The following PRKD1 variants were observed in gnomAD, a reference collection of about 807,000 sequenced individuals.
PRKD1 encodes serine/threonine-protein kinase D1.
PRKD1 carries 63 observed loss-of-function variants against 95.9 expected under a neutral mutation model. The ratio of observed to expected loss-of-function variants is 0.66; its 90% confidence interval spans 0.54 to 0.81. PRKD1 has a LOEUF of 0.81. Ranked by LOEUF, PRKD1 falls within the 30% of genes least tolerant of loss-of-function variation. PRKD1 has a pLI of 0.00. For missense variants in PRKD1, 1,048 were observed against 1,165.3 expected (o/e 0.90, Z 1.47); for synonymous variants, 425 against 423.1 (o/e 1.00, Z -0.05).
At chr14:29,660,775 ACTT>A (rs973905384) in intron 4 of PRKD1, among the ~76,000 whole-genome samples, 19 of 152,104 alleles carry the variant, frequency 1.2e-4, no homozygotes, top group African/African-American at 3.9e-4. Flanking sequence ...TTTAATACTA[ACTT>A]CTTCTACAGT....
At chr14:29,670,297 T>C (rs774536221) in intron 2 of PRKD1, among the ~76,000 whole-genome samples, 6 of 152,164 alleles carry the variant, frequency 3.9e-5, no homozygotes, top group Non-Finnish European at 5.9e-5. Flanking sequence ...GGCCCATGTA[T>C]ATTTATAATA....
At chr14:29,634,325 T>G (rs1868584468) in intron 8 of PRKD1, 93 bp downstream of exon 8, 1 of 1,577,262 alleles carries the variant, frequency 6.3e-7, no homozygotes, top group African/African-American at 1.3e-5. Flanking sequence ...TTACTCTGAG[T>G]AATGCAGAAA....
intron 1 of PRKD1, among the ~76,000 whole-genome samples, chr14:29,794,001 C>G (rs905514409): frequency 6.6e-6 from 1 of 151,874 alleles, no homozygotes; most frequent in Non-Finnish European, 1.5e-5. Flanking sequence ...TTAAATCAAG[C>G]GTATTAGCCG....
chr14:29,719,062 G>GA (rs1271057391), intron 2 of PRKD1, among the ~76,000 whole-genome samples: 1 of 151,704 alleles, frequency 6.6e-6, no homozygotes, highest in East Asian at 1.9e-4. Flanking sequence ...TTCTATAAAA[G>GA]AAAAAAGAAG....
chr14:29,577,559 C>G, intron 17 of PRKD1, 103 bp from the exon 18 acceptor site: 1 of 1,100,870 alleles, frequency 9.1e-7, no homozygotes, highest in East Asian at 2.5e-5. Flanking sequence ...CCTTCTCCTT[C>G]CACTCTAACA....
chr14:29,618,224 G>A (rs1233021655), intron 13 of PRKD1, among the ~76,000 whole-genome samples: 1 of 151,150 alleles, frequency 6.6e-6, no homozygotes, highest in Non-Finnish European at 1.5e-5. Context: ...TGGGATGATG[G>A]AAATTTTATG....
At chr14:29,713,065 G>A (rs1183033684) in intron 2 of PRKD1, among the ~76,000 whole-genome samples, 2 of 152,100 alleles carry the variant, frequency 1.3e-5, no homozygotes, top group African/African-American at 4.8e-5. Context: ...AGGGTATGAA[G>A]TATTCTGCCT....
At chr14:29,851,190 C>A (rs775997648) in intron 1 of PRKD1, among the ~76,000 whole-genome samples, 9 of 152,072 alleles carry the variant, frequency 5.9e-5, no homozygotes, top group Admixed American at 3.3e-4. Flanking sequence ...GCTAAGTCAT[C>A]AAAAGCAATT....
At chr14:29,588,537 C>T (rs535315502) in intron 16 of PRKD1, among the ~76,000 whole-genome samples, 1 of 151,974 alleles carries the variant, frequency 6.6e-6, no homozygotes, top group Non-Finnish European at 1.5e-5. Context: ...CTTGAGATAC[C>T]GTGTATTCTA....
intron 13 of PRKD1, among the ~76,000 whole-genome samples, chr14:29,614,508 TTAAA>T (rs1329420503): frequency 6.6e-6 from 1 of 152,168 alleles, no homozygotes; most frequent in Non-Finnish European, 1.5e-5. Context: ...TTCGATTTCA[TTAAA>T]TAATGTATTT....
At position 29,599,771 on chromosome 14, in the gene PRKD1, G is replaced by A. The variant is rs535820939; in HGVS notation, c.1952C>T (p.Thr651Met). The change falls in exon 14 of 18, where the codon ACG becomes ATG. Residue 651 changes from threonine to methionine, a missense_variant. By Grantham distance (81) the Thr-to-Met change is moderately conservative. This residue lies in a region of PRKD1 where 739 missense variants were observed against 861.9 expected (regional missense o/e 0.86). Transcript: ENST00000331968. ...GVVNLECMFETPERVFVVMEK... is the reference protein window; with the variant it reads ...GVVNLECMFEMPERVFVVMEK... ...CATAACAACAAACACTCTTTCAGGCGTCTCAAACATACACTCCAAATTTAC... is the reference window on the plus strand; with the variant it reads ...CATAACAACAAACACTCTTTCAGGCATCTCAAACATACACTCCAAATTTAC... 23 of 1,612,888 alleles carry A rather than the reference G, an allele frequency of 1.4e-5. No homozygotes were observed. Among genetic ancestry groups the A allele is most frequent in the South Asian group, 5.5e-5 (5 of 91,018 alleles).
chr14:29,788,948 G>A (rs867509735), intron 1 of PRKD1, among the ~76,000 whole-genome samples: 3 of 151,850 alleles, frequency 2.0e-5, no homozygotes, highest in East Asian at 1.9e-4. Context: ...GTGCAGTGGC[G>A]TGATCATGGC....
At chr14:29,844,608 T>C (rs1892006646) in intron 1 of PRKD1, among the ~76,000 whole-genome samples, 1 of 152,338 alleles carries the variant, frequency 6.6e-6, no homozygotes, top group East Asian at 1.9e-4. Context: ...GGGTAATGTA[T>C]GGACATGTAT....
chr14:29,642,143 T>C (rs914785729), intron 4 of PRKD1, among the ~76,000 whole-genome samples: 4 of 152,082 alleles, frequency 2.6e-5, no homozygotes, highest in Non-Finnish European at 5.9e-5. Flanking sequence ...CCTCAGGTGA[T>C]CCACCTGCCT....
At chr14:29,753,164 T>C (rs1329907761) in intron 1 of PRKD1, among the ~76,000 whole-genome samples, 1 of 151,912 alleles carries the variant, frequency 6.6e-6, no homozygotes, top group African/African-American at 2.4e-5. Context: ...GCAAATGAGA[T>C]TAAAAACAGA....
chr14:29,893,995 T>C (rs545081462), intron 1 of PRKD1, among the ~76,000 whole-genome samples: 10 of 152,312 alleles, frequency 6.6e-5, no homozygotes, highest in Admixed American at 6.5e-4. Flanking sequence ...GAGAAGAGAA[T>C]CACTATGCAA....
At chr14:29,656,719 T>C (rs530840748) in intron 4 of PRKD1, among the ~76,000 whole-genome samples, 2 of 152,286 alleles carry the variant, frequency 1.3e-5, no homozygotes, top group East Asian at 1.9e-4. Flanking sequence ...AATGGAACTA[T>C]AGACACTAAG....
At chr14:29,665,188 C>T (rs899813750) in intron 3 of PRKD1, among the ~76,000 whole-genome samples, 2 of 152,154 alleles carry the variant, frequency 1.3e-5, no homozygotes, top group Non-Finnish European at 2.9e-5. Flanking sequence ...TTGTAGAGGG[C>T]ACAACATAAG....
In PRKD1 at chr14:29,708,070, G is replaced by A. The variant is rs1885172674; in HGVS notation, c.403+17466C>T. The stretch of plus-strand genomic sequence containing the variant: ...AAAACACAAATGCTGCTTAATAAAT[G>A]CTGTTAGTCATTCTAGTGTGTTTAT... On this transcript the variant is annotated intron_variant, in intron 2 of 17. Transcript: ENST00000331968. Among the ~76,000 whole-genome samples the A allele has an allele frequency of 3.3e-5, 5 of 152,036 alleles. No individual in the cohort carries two copies. In the South Asian group the frequency reaches 1.0e-3, roughly 32 times the overall value.
Sources: allele counts gnomAD v4.1 joint callset (sites outside exome capture counted in the v4.1 genomes callset), GRCh38; gene constraint gnomAD v4.1.1; regional missense constraint gnomAD v4.1.1; transcripts MANE v1.5; gene names NCBI Gene and HGNC (gene_info 2026-07-23, HGNC 2026-07-21).